Variants in ZMIZ2 observed in about 807,000 individuals in gnomAD.
ZMIZ2 encodes zinc finger MIZ-type containing 2, also known as zinc finger MIZ domain-containing protein 2.
In ZMIZ2, 26 loss-of-function variants were observed where a neutral mutation model predicts 93.9. The ratio of observed to expected loss-of-function variants is 0.28; its 90% CI spans 0.20 to 0.38. The LOEUF (loss-of-function observed/expected upper bound fraction) is 0.38, where lower values mean the gene tolerates loss of function less well. Among genes scored for constraint, ZMIZ2 ranks in the 10% least tolerant of loss-of-function variants. The pLI, the probability that ZMIZ2 is intolerant of heterozygous loss-of-function variation, is 1.00. For synonymous variants in ZMIZ2, 485 were observed against 516.4 expected (o/e 0.94, Z 0.82); for missense variants, 1,023 against 1,235.0 (o/e 0.83, Z 2.57).
chr7:44,764,431 G>C lies in ZMIZ2; in HGVS notation c.1873G>C (p.Glu625Gln). ...DCRHIQCFDLESYLQLNCERG... is the reference protein window; with the variant it reads ...DCRHIQCFDLQSYLQLNCERG... ...CATCTCTCTACAGTGCTTTGACCTG[G>C]AGTCGTACCTGCAGCTCAACTGTGA... The change falls in exon 14 of 19, where the codon GAG (glutamate) becomes CAG (glutamine). Residue 625 changes from glutamate (E) to glutamine (Q), a missense_variant. Glu to Gln is a conservative substitution (Grantham distance 29). Coordinates refer to ENST00000309315, the MANE Select transcript of ZMIZ2 (RefSeq NM_031449.4). The C allele has an allele frequency of 6.2e-7, 1 of 1,614,184 alleles. No individual in the cohort carries two copies. The highest frequency in any genetic ancestry group is 1.1e-5 in the South Asian group (1 of 91,088).
Position 44,767,556 on chromosome 7 carries a change from A to C in ZMIZ2, c.2696A>C (p.Tyr899Ser). 1 of 1,614,114 alleles carries C rather than the reference A, an allele frequency of 6.2e-7. No homozygotes were observed. Among genetic ancestry groups the C allele is most frequent in the Non-Finnish European group, 8.5e-7 (1 of 1,180,014 alleles). ...ACCAACCCTGATGAGCTACTGTCCTACTTGGGCCCACCCGACCTCCCTACG... is the reference window on the plus strand; with the variant it reads ...ACCAACCCTGATGAGCTACTGTCCTCCTTGGGCCCACCCGACCTCCCTACG... ...ELTNPDELLS[Y>S]LGPPDLPTNN... The change falls in exon 19 of 19, where the codon TAC (tyrosine) becomes TCC (serine). Residue 899 changes from tyrosine (Y) to serine (S), a missense_variant. Around this residue, in one of 3 missense-constraint regions of ZMIZ2, gnomAD observed 319 missense variants for 358.8 expected, o/e 0.89. Transcript: ENST00000309315.
Position 44,763,093 on chromosome 7 carries a change from TC to T in ZMIZ2, c.1702+109del. The T allele has an allele frequency of 2.8e-6, 4 of 1,438,682 alleles. No individual in the cohort carries two copies. The highest frequency in any genetic ancestry group is 3.8e-6 in the Non-Finnish European group (4 of 1,047,624). 89.1% of individuals were successfully genotyped at this position (1,438,682 alleles called of 1,614,324 possible). A position where few individuals can be genotyped will look rare whatever the true frequency, so the allele number is the denominator to read the frequency against. On this transcript the variant is annotated intron_variant, in intron 12 of 18. Transcript: ENST00000309315. This position sits in a 1 kb window ranked among gnomAD's most constrained non-coding sequence, Gnocchi z 5.6. Reference sequence around the variant, plus strand: ...CCTCCTCGTGTCACACCAGGCCTTCTCCTTGGACAGGTGGCTCTGCAGTAGG... The same window carrying T: ...CCTCCTCGTGTCACACCAGGCCTTCTCTTGGACAGGTGGCTCTGCAGTAGG...
At chr7:44,759,195 C>G in intron 6 of ZMIZ2, 86 bp from the exon 7 acceptor site, 1 of 1,297,242 alleles carries the variant, frequency 7.7e-7, no homozygotes, top group East Asian at 2.8e-5. Flanking sequence ...TCCCCGAACC[C>G]TGCCACACAT....
intron 14 of ZMIZ2, 141 bp downstream of exon 14, chr7:44,764,627 G>C (rs767842263): frequency 1.1e-6 from 1 of 931,496 alleles, no homozygotes. Context: ...GCAGCTCAGC[G>C]CAGAGAGCTC....
chr7:44,760,232 G>A lies in ZMIZ2; in HGVS notation c.1071+4G>A, dbSNP rs1382401644. 6.2e-7 allele frequency: 1 copy of A among 1,610,816 alleles called. No homozygotes were observed. The highest frequency in any genetic ancestry group is 1.1e-5 in the South Asian group (1 of 90,800). ...CAGCCAACCTGGCCTGAGTGGGGTA[G>A]GGGGCCTGGCCGGGAGGATGGGCCG... On this transcript the variant is annotated splice_donor_region_variant and intron_variant, in intron 8 of 18. Transcript: ENST00000309315.
Position 44,761,701 on chromosome 7 carries a change from C to T in ZMIZ2, c.1392C>T (p.Asp464=). 6.2e-7 allele frequency: 1 copy of T among 1,614,072 alleles called. No individual in the cohort carries two copies. The highest frequency in any genetic ancestry group is 8.5e-7 in the Non-Finnish European group (1 of 1,180,010). Residue 464 remains aspartate (D), a synonymous_variant, in exon 11 of 19, where the codon GAC becomes GAT. Transcript: ENST00000309315. The surrounding 1 kb of genome is among the most constrained non-coding windows in gnomAD (Gnocchi z 5.8). ...SVYKTLIMRP[D]LELQFKCYHH... The stretch of plus-strand genomic sequence containing the variant: ...CACCCATCTTCCTGAGCAGGCCTGA[C>T]CTGGAGCTGCAATTCAAGTGCTACC...
rs528278535 is a variant in ZMIZ2, at chr7:44,769,253, G to C, written c.*1630G>C. The C allele has an allele frequency of 6.5e-6, 1 of 152,866 alleles. No individual in the cohort carries two copies. Among genetic ancestry groups the C allele is most frequent in the East Asian group, 1.9e-4 (1 of 5,196 alleles). The allele number at this position is 152,866 out of a possible 1,614,324, so 9.5% of individuals were successfully genotyped here. A position where few individuals can be genotyped will look rare whatever the true frequency, so the allele number is the denominator to read the frequency against. ...AGAACTGGGGGAACACAGGAACCTA[G>C]GGGAGGAGGGGAGCGCTGGGCATCC... is the stretch of plus-strand genomic sequence containing the variant. On this transcript the variant is annotated 3_prime_UTR_variant, in exon 19 of 19. Coordinates refer to ENST00000309315, the MANE Select transcript of ZMIZ2 (RefSeq NM_031449.4).
intron 1 of ZMIZ2, among the ~76,000 whole-genome samples, chr7:44,752,893 T>G (rs1454629046): frequency 1.3e-5 from 2 of 152,258 alleles, no homozygotes; most frequent in African/African-American, 4.8e-5. Flanking sequence ...TGCTGGGTCA[T>G]AGTAGGGTAG....
chr7:44,761,368 G>C lies in ZMIZ2; in HGVS notation c.1241-81G>C, dbSNP rs1791158238. 6.5e-7 allele frequency: 1 copy of C among 1,548,532 alleles called. No homozygotes were observed. Among genetic ancestry groups the C allele is most frequent in the African/African-American group, 1.4e-5 (1 of 73,896 alleles). ...AAGGTCCCTGCGGGGAAGGTGGCTG[G>C]GGAGCCGCTGCCCTCCTTGAGTGAC... On this transcript the variant is annotated intron_variant, in intron 9 of 18. Transcript: ENST00000309315. This position sits in a 1 kb window ranked among gnomAD's most constrained non-coding sequence, Gnocchi z 5.8.
Position 44,761,006 on chromosome 7 carries a change from G to C in ZMIZ2, c.1240+413G>C, listed in dbSNP as rs1791121177. Among the ~76,000 whole-genome samples the C allele has an allele frequency of 6.6e-6, 1 of 152,128 alleles. No individual in the cohort carries two copies. The highest frequency in any genetic ancestry group is 2.1e-4 in the South Asian group (1 of 4,820). On this transcript the variant is annotated intron_variant, in intron 9 of 18. Transcript: ENST00000309315. This position sits in a 1 kb window ranked among gnomAD's most constrained non-coding sequence, Gnocchi z 5.8. ...CAAAATGTTGTATATAATTTCAGGG[G>C]ATTTATGAACCCCGGAAGCCCATTC... is the stretch of plus-strand genomic sequence containing the variant.
At chr7:44,750,346 C>T (rs557173357) in intron 1 of ZMIZ2, among the ~76,000 whole-genome samples, 1 of 152,304 alleles carries the variant, frequency 6.6e-6, no homozygotes, top group Admixed American at 6.5e-5. Flanking sequence ...AGTACTGTGG[C>T]CTTACAGGTA....
At chr7:44,760,892 A>G (rs1372973408) in intron 9 of ZMIZ2, among the ~76,000 whole-genome samples, 1 of 150,906 alleles carries the variant, frequency 6.6e-6, no homozygotes, top group Non-Finnish European at 1.5e-5. Flanking sequence ...CTTCTTAAAG[A>G]CAAGTCGCTT....
At chr7:44,762,814 C>T (rs1791339621) in intron 11 of ZMIZ2, 67 bp from the exon 12 acceptor site, 21 of 1,415,648 alleles carry the variant, frequency 1.5e-5, no homozygotes, top group Non-Finnish European at 2.0e-5. Context: ...CCCCAGCACA[C>T]CCTTTACCTG....
At position 44,761,931 on chromosome 7, in the gene ZMIZ2, G is replaced by A; in HGVS notation, c.1596+26G>A. 6.3e-7 allele frequency: 1 copy of A among 1,594,566 alleles called. No homozygotes were observed. Among genetic ancestry groups the A allele is most frequent in the South Asian group, 1.1e-5 (1 of 90,218 alleles). On this transcript the variant is annotated intron_variant, in intron 11 of 18. Coordinates refer to ENST00000309315, the MANE Select transcript of ZMIZ2 (RefSeq NM_031449.4). The surrounding 1 kb of genome is among the most constrained non-coding windows in gnomAD (Gnocchi z 5.8). ...GTGCGTGTCCTGCGCCGAGGGGGCG[G>A]TGCTGTGGCGTGGGGCGGGGTGTGG... is the stretch of plus-strand genomic sequence containing the variant.
chr7:44,765,277 T>C lies in ZMIZ2; in HGVS notation c.1998-58T>C. On this transcript the variant is annotated intron_variant, in intron 15 of 18. Transcript: ENST00000309315. This position sits in a 1 kb window ranked among gnomAD's most constrained non-coding sequence, Gnocchi z 4.1. ...AACAGCCCAGGGCTGGGAGGGGCAG[T>C]GGGTGCCGGGCCAGCAGCAGGCCAG... 6.3e-7 allele frequency: 1 copy of C among 1,597,288 alleles called. No individual in the cohort carries two copies. The highest frequency in any genetic ancestry group is 8.5e-7 in the Non-Finnish European group (1 of 1,170,490).
rs1269434320 is a variant in ZMIZ2 at position 44,762,948 on chromosome 7, A to G, written c.1664A>G (p.Lys555Arg). 6.2e-7 allele frequency: 1 copy of G among 1,613,588 alleles called. No individual in the cohort carries two copies. Among genetic ancestry groups the G allele is most frequent in the South Asian group, 1.1e-5 (1 of 91,076 alleles). Residue 555 changes from lysine (K) to arginine (R), a missense_variant, in exon 12 of 19, where the codon AAA becomes AGA. Physicochemically the swap from Lys to Arg is conservative, Grantham distance 26. This residue lies in a region of ZMIZ2 where 656 missense variants were observed against 777.1 expected (regional missense o/e 0.84). Transcript: ENST00000309315. ...SVRSVLQGLL[K>R]KRLLPAEHCI... ...CGCTCGGTGCTGCAGGGCCTCCTCA[A>G]AAAGCGCCTCCTGCCTGCTGAGCAC...
At chr7:44,767,161 C>T (rs1267389293) in intron 18 of ZMIZ2, among the ~76,000 whole-genome samples, 1 of 152,140 alleles carries the variant, frequency 6.6e-6, no homozygotes, top group Non-Finnish European at 1.5e-5. Flanking sequence ...TGGAATTCCA[C>T]CACCAGCATT....
At chr7:44,762,820 A>T in intron 11 of ZMIZ2, 61 bp from the exon 12 acceptor site, 2 of 1,326,122 alleles carry the variant, frequency 1.5e-6, no homozygotes, top group Non-Finnish European at 2.0e-6. Flanking sequence ...CACACCCTTT[A>T]CCTGGCCAGG....
rs371197013 is a variant in ZMIZ2, at chr7:44,766,147, C to T, written c.2243-17C>T. 239 of 1,605,286 alleles carry T rather than the reference C, an allele frequency of 1.5e-4. No individual in the cohort carries two copies. The highest frequency in any genetic ancestry group is 2.0e-4 in the Non-Finnish European group (230 of 1,176,978). On this transcript the variant is annotated splice_polypyrimidine_tract_variant and intron_variant, in intron 16 of 18. Transcript: ENST00000309315. This position sits in a 1 kb window ranked among gnomAD's most constrained non-coding sequence, Gnocchi z 4.4. ...CCTTCCCCAGCCCTCACCCAGGCCC[C>T]GACTCTCCTCTCACAGGTTCCAGCT...
Sources: allele counts gnomAD v4.1 joint callset (sites outside exome capture counted in the v4.1 genomes callset), GRCh38; gene constraint gnomAD v4.1.1; regional missense constraint gnomAD v4.1.1; non-coding constraint Gnocchi (gnomAD v3.1); transcripts MANE v1.5; gene names NCBI Gene and HGNC (gene_info 2026-07-23, HGNC 2026-07-21).